Variants in EGFLAM observed in about 807,000 individuals in gnomAD.
EGFLAM encodes the protein pikachurin.
A neutral mutation model predicts 113.1 loss-of-function variants in EGFLAM; 79 were observed. The ratio of observed to expected loss-of-function variants is 0.70; its 90% CI spans 0.58 to 0.84. The LOEUF (loss-of-function observed/expected upper bound fraction) is 0.84, where lower values mean the gene tolerates loss of function less well. Among genes scored for constraint, EGFLAM ranks in the 40% least tolerant of loss-of-function variants. The pLI is 0.00. For missense variants in EGFLAM, 1,265 were observed against 1,291.6 expected, an observed-to-expected ratio of 0.98 and a Z score of 0.32; for synonymous variants, 504 against 487.6, an observed-to-expected ratio of 1.03 and a Z score of -0.44.
chr5:38,390,254 T>C (rs1740776139), intron 6 of EGFLAM, among the ~76,000 whole-genome samples: 1 of 152,240 alleles, frequency 6.6e-6, no homozygotes, highest in African/African-American at 2.4e-5. Flanking sequence ...TAGCATTTTT[T>C]ATAAATGCTA....
At chr5:38,325,421 A>G (rs1180542571) in intron 1 of EGFLAM, among the ~76,000 whole-genome samples, 1 of 152,228 alleles carries the variant, frequency 6.6e-6, no homozygotes, top group Non-Finnish European at 1.5e-5. Flanking sequence ...AGCAGGACAA[A>G]GGAAACAGAC....
chr5:38,377,227 C>A (rs1048667231), intron 6 of EGFLAM, among the ~76,000 whole-genome samples: 4 of 151,804 alleles, frequency 2.6e-5, no homozygotes, highest in Admixed American at 2.6e-4. Flanking sequence ...AACCTCCGCC[C>A]CCCAGGTTCA....
rs1176182856 is a variant in EGFLAM, at chr5:38,403,568, G to A, written c.713-2558G>A. 3 of 372,284 alleles carry A rather than the reference G, an allele frequency of 8.1e-6. No individual in the cohort carries two copies. In the Admixed American group the frequency reaches 1.1e-4, roughly 14 times the overall value. 23.1% of individuals were successfully genotyped at this position (372,284 alleles called of 1,614,324 possible). A position where few individuals can be genotyped will look rare whatever the true frequency, so the allele number is the denominator to read the frequency against. On this transcript the variant is annotated intron_variant, in intron 6 of 21. Coordinates refer to ENST00000322350, the MANE Select transcript of EGFLAM (RefSeq NM_152403.4). ...CAACTGAGACGGCTGCAGACCATGG[G>A]GCAGGGAGCATATGGAGCACGGATA...
chr5:38,302,244 A>T (rs1277396655), intron 1 of EGFLAM, among the ~76,000 whole-genome samples: 6 of 152,156 alleles, frequency 3.9e-5, no homozygotes, highest in Admixed American at 3.9e-4. Context: ...CTCAAAAAAA[A>T]AAAAAAAAAA....
chr5:38,312,092 G>T (rs993887646), intron 1 of EGFLAM, among the ~76,000 whole-genome samples: 1 of 152,090 alleles, frequency 6.6e-6, no homozygotes, highest in Non-Finnish European at 1.5e-5. Flanking sequence ...ATTCCCAGGG[G>T]TGTTGTGATG....
intron 16 of EGFLAM, 62 bp downstream of exon 16, chr5:38,435,315 AT>A: frequency 1.6e-6 from 2 of 1,264,780 alleles, no homozygotes; most frequent in Non-Finnish European, 2.3e-6. Flanking sequence ...GAAAGTGAGG[AT>A]TATGATCAGT....
intron 6 of EGFLAM, 99 bp downstream of exon 6, chr5:38,370,561 TG>T: frequency 7.1e-7 from 1 of 1,414,220 alleles, no homozygotes; most frequent in Non-Finnish European, 9.4e-7. Context: ...AAGGACAGCC[TG>T]GAAAAGGGCT....
chr5:38,275,447 A>C (rs538600217), intron 1 of EGFLAM, among the ~76,000 whole-genome samples: 2 of 152,342 alleles, frequency 1.3e-5, no homozygotes, highest in African/African-American at 4.8e-5. Flanking sequence ...ATAGACTTTA[A>C]GTCAAAAACT....
At chr5:38,311,099 A>G (rs1485524149) in intron 1 of EGFLAM, among the ~76,000 whole-genome samples, 2 of 152,126 alleles carry the variant, frequency 1.3e-5, no homozygotes, top group Admixed American at 1.3e-4. Context: ...TTAAAAATTG[A>G]CAAAGATTAT....
At chr5:38,344,839 G>T (rs1216613932) in intron 3 of EGFLAM, among the ~76,000 whole-genome samples, 2 of 152,194 alleles carry the variant, frequency 1.3e-5, no homozygotes, top group African/African-American at 4.8e-5. Context: ...CCTTTTAAGG[G>T]ATATCTCAAA....
chr5:38,312,349 T>C (rs761992615), intron 1 of EGFLAM, among the ~76,000 whole-genome samples: 21 of 151,922 alleles, frequency 1.4e-4, no homozygotes, highest in Non-Finnish European at 2.8e-4. Context: ...TCATGCCATT[T>C]TCCTGCCTCA....
chr5:38,258,657 C>T lies in EGFLAM; in HGVS notation c.-98C>T. ...AGCCCCCCACCTCCTCGCCCCGGCC[C>T]GGGGATCCGTTGGGGCCGCGTCCCC... On this transcript the variant is annotated 5_prime_UTR_variant, in exon 1 of 22. Transcript: ENST00000322350. 1 of 1,390,852 alleles carries T rather than the reference C, an allele frequency of 7.2e-7. No homozygotes were observed. The highest frequency in any genetic ancestry group is 1.0e-6 in the Non-Finnish European group (1 of 1,002,926). 86.2% of individuals were successfully genotyped at this position (1,390,852 alleles called of 1,614,324 possible). A position where few individuals can be genotyped will look rare whatever the true frequency, so the allele number is the denominator to read the frequency against.
intron 18 of EGFLAM, 30 bp from the exon 19 acceptor site, chr5:38,451,285 T>G: frequency 6.2e-7 from 1 of 1,602,064 alleles, no homozygotes; most frequent in Non-Finnish European, 8.5e-7. Flanking sequence ...GGTGGTTGAT[T>G]TGGTGGACTT....
intron 1 of EGFLAM, among the ~76,000 whole-genome samples, chr5:38,261,988 C>A (rs73750655): frequency 0.018 from 2,792 of 152,316 alleles, 75 homozygotes; most frequent in African/African-American, 0.063. Context: ...ACGGTGTGGA[C>A]ACACCACTCA....
intron 5 of EGFLAM, among the ~76,000 whole-genome samples, chr5:38,364,484 T>G (rs1161364210): frequency 6.6e-6 from 1 of 152,158 alleles, no homozygotes; most frequent in African/African-American, 2.4e-5. Flanking sequence ...GTTCCTGGAA[T>G]TGCTTAGAAA....
intron 19 of EGFLAM, among the ~76,000 whole-genome samples, chr5:38,456,665 C>G (rs188861094): frequency 8.7e-4 from 132 of 152,302 alleles, no homozygotes; most frequent in African/African-American, 3.1e-3. Context: ...AAGGAATGAT[C>G]TATGGTGCTT....
At chr5:38,448,692 G>A (rs1742806427) in intron 18 of EGFLAM, among the ~76,000 whole-genome samples, 1 of 152,140 alleles carries the variant, frequency 6.6e-6, no homozygotes, top group Non-Finnish European at 1.5e-5. Flanking sequence ...TTCAGGCTTC[G>A]AGAAACAGTG....
intron 6 of EGFLAM, among the ~76,000 whole-genome samples, chr5:38,399,143 G>T (rs1741037426): frequency 1.3e-5 from 2 of 152,302 alleles, no homozygotes; most frequent in South Asian, 4.1e-4. Context: ...GTTTGGGTTT[G>T]CACAGGAGTC....
intron 6 of EGFLAM, chr5:38,403,569 G>A: frequency 5.4e-6 from 2 of 373,716 alleles, no homozygotes; most frequent in Non-Finnish European, 1.0e-5. Flanking sequence ...AGACCATGGG[G>A]CAGGGAGCAT....
Sources: gnomAD v4.1 joint callset for allele counts (sites outside exome capture counted in the v4.1 genomes callset) on GRCh38, gnomAD v4.1.1 for gene constraint, MANE v1.5 for transcripts, NCBI Gene and HGNC (gene_info 2026-07-23, HGNC 2026-07-21) for gene names.